The following ZPBP variants were observed in gnomAD, a reference collection of about 807,000 sequenced individuals.
The protein encoded by ZPBP is zona pellucida binding protein.
ZPBP carries 26 observed loss-of-function variants against 44.8 expected under a neutral mutation model. That is an observed-to-expected ratio of 0.58 (90% CI 0.43 to 0.81). ZPBP has a LOEUF of 0.81. ZPBP is among the 30% of genes least tolerant of loss of function. The pLI is 0.00. For missense variants in ZPBP, 409 were observed against 434.0 expected, an observed-to-expected ratio of 0.94 and a Z score of 0.51; for synonymous variants, 174 against 153.2, an observed-to-expected ratio of 1.14 and a Z score of -1.00.
intron 6 of ZPBP, among the ~76,000 whole-genome samples, chr7:50,007,793 G>C (rs1798374886): frequency 6.6e-6 from 1 of 151,818 alleles, no homozygotes; most frequent in Non-Finnish European, 1.5e-5. Flanking sequence ...AACCGATGTA[G>C]AAAAGGTATT....
chr7:50,064,519 T>C (rs1173915860), intron 3 of ZPBP, among the ~76,000 whole-genome samples: 1 of 152,148 alleles, frequency 6.6e-6, no homozygotes, highest in African/African-American at 2.4e-5. Context: ...GCCTCGACCA[T>C]AAGAGACAGC....
chr7:49,851,804 C>T (rs527736482), intron 2 of ZPBP, among the ~76,000 whole-genome samples: 3 of 151,986 alleles, frequency 2.0e-5, no homozygotes, highest in African/African-American at 7.2e-5. Flanking sequence ...TTTGCAGAGC[C>T]GAGCTTGCGC....
chr7:50,012,048 AAAG>A (rs989805067), intron 6 of ZPBP, among the ~76,000 whole-genome samples: 3 of 151,944 alleles, frequency 2.0e-5, no homozygotes, highest in African/African-American at 7.2e-5. Context: ...AAAAAAAAAA[AAAG>A]AAGGAAATTA....
chr7:50,016,221 T>C (rs1798811061), intron 6 of ZPBP, among the ~76,000 whole-genome samples: 1 of 152,206 alleles, frequency 6.6e-6, no homozygotes, highest in African/African-American at 2.4e-5. Flanking sequence ...CATGGAATAC[T>C]ATGCAGCCAT....
At chr7:50,046,451 G>GAA (rs140818813) in intron 4 of ZPBP, among the ~76,000 whole-genome samples, 64 of 146,036 alleles carry the variant, frequency 4.4e-4, no homozygotes, top group Non-Finnish European at 8.0e-4. Flanking sequence ...AAATTTACAA[G>GAA]AAAAAAAAAA....
chr7:49,923,140 T>C (rs1156310017), intron 1 of ZPBP, among the ~76,000 whole-genome samples: 1 of 151,988 alleles, frequency 6.6e-6, no homozygotes, highest in African/African-American at 2.4e-5. Context: ...TAAGTTGAAG[T>C]TCCAAAAGGC....
chr7:49,937,077 C>T (rs184437220), downstream of ZPBP, among the ~76,000 whole-genome samples: 1 of 152,180 alleles, frequency 6.6e-6, no homozygotes, highest in Non-Finnish European at 1.5e-5. Context: ...AGACCACAGG[C>T]TTTAAATATG....
intron 1 of ZPBP, among the ~76,000 whole-genome samples, chr7:49,928,775 G>T (rs1794343885): frequency 6.6e-6 from 1 of 152,124 alleles, no homozygotes; most frequent in Non-Finnish European, 1.5e-5. Flanking sequence ...CCAACTCCAT[G>T]GCTCAGTGGG....
At chr7:49,983,649 C>T in intron 6 of ZPBP, 130 bp from the exon 7 acceptor site, 1 of 601,488 alleles carries the variant, frequency 1.7e-6, no homozygotes, top group Non-Finnish European at 2.9e-6. Context: ...CTTGCACTCA[C>T]AGACTATAAA....
intron 6 of ZPBP, among the ~76,000 whole-genome samples, chr7:49,991,547 G>A (rs750398854): frequency 1.3e-5 from 2 of 152,044 alleles, no homozygotes; most frequent in Non-Finnish European, 2.9e-5. Context: ...CTTCAATCCT[G>A]AAGCAAAAAG....
intron 2 of ZPBP, among the ~76,000 whole-genome samples, chr7:49,900,067 T>C (rs1012688734): frequency 5.9e-5 from 9 of 151,698 alleles, no homozygotes; most frequent in Admixed American, 5.9e-4. Context: ...AACTTATAAA[T>C]AACACATGGA....
intron 2 of ZPBP, among the ~76,000 whole-genome samples, chr7:49,885,391 T>C (rs1791855911): frequency 6.6e-6 from 1 of 152,104 alleles, no homozygotes; most frequent in African/African-American, 2.4e-5. Flanking sequence ...TATACAATTA[T>C]GTTCATAAAA....
At chr7:49,870,174 G>A (rs1056557473) in intron 2 of ZPBP, among the ~76,000 whole-genome samples, 1 of 152,176 alleles carries the variant, frequency 6.6e-6, no homozygotes, top group African/African-American at 2.4e-5. Flanking sequence ...ACCGAGGTGG[G>A]CGGATCACGA....
chr7:49,862,730 T>A (rs570455370), intron 2 of ZPBP, among the ~76,000 whole-genome samples: 2 of 152,082 alleles, frequency 1.3e-5, no homozygotes, highest in Non-Finnish European at 2.9e-5. Flanking sequence ...CCATGAGTTT[T>A]TTTTTTTCAT....
downstream of ZPBP, among the ~76,000 whole-genome samples, chr7:49,849,897 A>G (rs533721420): frequency 6.6e-6 from 1 of 152,226 alleles, no homozygotes; most frequent in African/African-American, 2.4e-5. Flanking sequence ...GACTGAGCAC[A>G]GTACCATAGC....
At chr7:49,916,987 T>C (rs1793758239) in intron 1 of ZPBP, 1 of 152,242 alleles carries the variant, frequency 6.6e-6, no homozygotes, top group Non-Finnish European at 1.5e-5. Context: ...TGGCCCTTTA[T>C]GATAAAGGAA....
At chr7:49,955,415 G>T (rs1330021993) in intron 7 of ZPBP, among the ~76,000 whole-genome samples, 1 of 152,014 alleles carries the variant, frequency 6.6e-6, no homozygotes, top group African/African-American at 2.4e-5. Flanking sequence ...AAATTAGCTG[G>T]GTGTGCTGGT....
chr7:49,846,783 A>AT (rs1225873866), downstream of ZPBP, among the ~76,000 whole-genome samples: 1 of 152,072 alleles, frequency 6.6e-6, no homozygotes, highest in Admixed American at 6.6e-5. Flanking sequence ...GAATGCATAC[A>AT]TTTTCCCTCC....
intron 1 of ZPBP, chr7:49,919,472 T>C (rs1017422619): frequency 2.6e-5 from 4 of 152,222 alleles, no homozygotes; most frequent in Non-Finnish European, 5.9e-5. Flanking sequence ...GAAGTTACCA[T>C]TGTATGTTCC....
Sources: gnomAD v4.1 joint callset for allele counts (sites outside exome capture counted in the v4.1 genomes callset) on GRCh38, gnomAD v4.1.1 for gene constraint, MANE v1.5 for transcripts, NCBI Gene and HGNC (gene_info 2026-07-23, HGNC 2026-07-21) for gene names.